Variants in INPP5A observed in about 807,000 individuals in gnomAD.
INPP5A encodes inositol polyphosphate-5-phosphatase A, also known as 43 kDa inositol polyphosphate 5-phophatase.
Under a neutral mutation model 65.2 loss-of-function variants are expected in INPP5A, and 14 were observed. The observed-to-expected ratio is 0.21, with a 90% CI of 0.14 to 0.34. The LOEUF (loss-of-function observed/expected upper bound fraction) is 0.34. INPP5A is among the 10% of genes least tolerant of loss of function. The pLI is 1.00. For missense variants in INPP5A, 431 were observed against 545.6 expected (o/e 0.79, Z 2.09); for synonymous variants, 207 against 208.3 (o/e 0.99, Z 0.05).
At position 132,741,484 on chromosome 10, in the gene INPP5A, C is replaced by T. The variant is rs939264057; in HGVS notation, c.733-8033C>T. Among the ~76,000 whole-genome samples the T allele has an allele frequency of 6.6e-6, 1 of 152,172 alleles. No homozygotes were observed. Among genetic ancestry groups the T allele is most frequent in the Non-Finnish European group, 1.5e-5 (1 of 68,028 alleles). The stretch of plus-strand genomic sequence containing the variant: ...TTGGAACCCCAGCCTGCATTGCACC[C>T]AGAAGAGGATACCCCCGAATGAAGC... On this transcript the variant is annotated intron_variant, in intron 9 of 15. Transcript: ENST00000368594. The surrounding 1 kb of genome is among the most constrained non-coding windows in gnomAD (Gnocchi z 4.4).
intron 8 of INPP5A, among the ~76,000 whole-genome samples, chr10:132,724,646 C>T (rs370362923): frequency 1.5e-4 from 22 of 150,820 alleles, no homozygotes; most frequent in East Asian, 9.9e-4. Context: ...GTTACTCATT[C>T]TCCAGAACTC....
chr10:132,614,666 C>G (rs1256672198), intron 2 of INPP5A, among the ~76,000 whole-genome samples: 1 of 152,246 alleles, frequency 6.6e-6, no homozygotes, highest in East Asian at 1.9e-4. Flanking sequence ...CCGCTGCTGT[C>G]TTCAGAATGC....
At chr10:132,756,522 G>A (rs1441652986) in intron 11 of INPP5A, among the ~76,000 whole-genome samples, 2 of 152,184 alleles carry the variant, frequency 1.3e-5, no homozygotes, top group African/African-American at 2.4e-5. Flanking sequence ...GCTTCCTCTC[G>A]CTGTGTGATG....
chr10:132,597,913 C>A (rs1406155933), intron 1 of INPP5A, among the ~76,000 whole-genome samples: 1 of 151,742 alleles, frequency 6.6e-6, no homozygotes, highest in Non-Finnish European at 1.5e-5. Flanking sequence ...TGACTCTGGG[C>A]CTGTGGTGCG....
At chr10:132,558,198 G>T (rs143492918) in intron 1 of INPP5A, among the ~76,000 whole-genome samples, 263 of 152,270 alleles carry the variant, frequency 1.7e-3, no homozygotes, top group African/African-American at 5.9e-3. Context: ...TAGCCTTCCC[G>T]CCAGCTGCGC....
chr10:132,543,934 A>T (rs1386882513), intron 1 of INPP5A, among the ~76,000 whole-genome samples: 3 of 152,212 alleles, frequency 2.0e-5, no homozygotes, highest in Non-Finnish European at 4.4e-5. Context: ...TGCTGTGTGC[A>T]TCTTTGCAGG....
intron 2 of INPP5A, among the ~76,000 whole-genome samples, chr10:132,632,371 CA>C (rs2133375188): frequency 6.6e-6 from 1 of 152,352 alleles, no homozygotes; most frequent in African/African-American, 2.4e-5. Context: ...TGGCACGGGC[CA>C]ACGCCTGTGG....
chr10:132,755,327 G>A (rs917102841), intron 11 of INPP5A, among the ~76,000 whole-genome samples: 1 of 148,434 alleles, frequency 6.7e-6, no homozygotes, highest in African/African-American at 2.5e-5. Context: ...GTGGGCGAGT[G>A]TGTGAGCTGT....
chr10:132,594,862 G>A (rs151024246), intron 1 of INPP5A, among the ~76,000 whole-genome samples: 22 of 152,242 alleles, frequency 1.4e-4, no homozygotes, highest in African/African-American at 3.6e-4. Flanking sequence ...GGTTCTCCCC[G>A]TCTGCCATTT....
chr10:132,621,907 GT>G (rs1267513315), intron 2 of INPP5A, among the ~76,000 whole-genome samples: 7 of 151,818 alleles, frequency 4.6e-5, no homozygotes, highest in Non-Finnish European at 1.0e-4. Flanking sequence ...TGTTCCCAAG[GT>G]TTATTTTCCT....
intron 8 of INPP5A, among the ~76,000 whole-genome samples, chr10:132,721,841 T>C (rs1308546775): frequency 6.6e-6 from 1 of 152,156 alleles, no homozygotes; most frequent in Non-Finnish European, 1.5e-5. Context: ...ATGGCTGTCT[T>C]GCCTGCGTCT....
chr10:132,657,469 G>A (rs890654640), intron 4 of INPP5A, among the ~76,000 whole-genome samples: 16 of 152,320 alleles, frequency 1.1e-4, no homozygotes, highest in Middle Eastern at 3.4e-3. Flanking sequence ...TGCTGTGCAC[G>A]GCAGCTCACA....
chr10:132,660,297 G>A (rs571722105), intron 4 of INPP5A, among the ~76,000 whole-genome samples: 2 of 152,226 alleles, frequency 1.3e-5, no homozygotes, highest in Non-Finnish European at 2.9e-5. Flanking sequence ...AGCTTTAGAG[G>A]TATGGAGATA....
At chr10:132,591,872 C>T (rs1161759988) in intron 1 of INPP5A, among the ~76,000 whole-genome samples, 1 of 152,156 alleles carries the variant, frequency 6.6e-6, no homozygotes, top group Non-Finnish European at 1.5e-5. Flanking sequence ...CTGGGCGTAA[C>T]GGGCGCCCTT....
chr10:132,750,282 G>C (rs1846452086), intron 11 of INPP5A, among the ~76,000 whole-genome samples: 1 of 152,222 alleles, frequency 6.6e-6, no homozygotes, highest in Non-Finnish European at 1.5e-5. Context: ...ACGTGTGTGT[G>C]CTCTAGTGCA....
chr10:132,665,170 A>G (rs2072786030), intron 4 of INPP5A, among the ~76,000 whole-genome samples: 1 of 152,174 alleles, frequency 6.6e-6, no homozygotes, highest in African/African-American at 2.4e-5. Context: ...CTTTGCAGAC[A>G]CACCTGTGTT....
chr10:132,699,370 G>A (rs530014355), intron 6 of INPP5A, among the ~76,000 whole-genome samples: 3 of 148,884 alleles, frequency 2.0e-5, no homozygotes, highest in Non-Finnish European at 4.5e-5. Context: ...GGTGGGGGGG[G>A]GCTGGGCTGG....
At chr10:132,589,158 C>T (rs1233796420) in intron 1 of INPP5A, among the ~76,000 whole-genome samples, 8 of 152,248 alleles carry the variant, frequency 5.3e-5, no homozygotes, top group African/African-American at 9.6e-5. Flanking sequence ...ACATCTGCGC[C>T]ACGTGCAGGG....
intron 4 of INPP5A, among the ~76,000 whole-genome samples, chr10:132,654,208 T>C (rs1263301420): frequency 6.6e-6 from 1 of 152,238 alleles, no homozygotes; most frequent in Non-Finnish European, 1.5e-5. Context: ...CTCCCGTGCC[T>C]CTGCTGCCGC....
Sources: allele counts gnomAD v4.1 joint callset (sites outside exome capture counted in the v4.1 genomes callset), GRCh38; gene constraint gnomAD v4.1.1; non-coding constraint Gnocchi (gnomAD v3.1); transcripts MANE v1.5; gene names NCBI Gene and HGNC (gene_info 2026-07-23, HGNC 2026-07-21).